The following PTCH1 variants were observed in gnomAD, a reference collection of about 807,000 sequenced individuals.
The protein encoded by PTCH1 is patched 1, also known as protein patched homolog 1.
Under a neutral mutation model 144.6 loss-of-function variants are expected in PTCH1, and 14 were observed. The observed-to-expected ratio is 0.10, with a 90% CI of 0.06 to 0.15. The LOEUF (loss-of-function observed/expected upper bound fraction) is 0.15, where lower values mean the gene tolerates loss of function less well. Among genes scored for constraint, PTCH1 ranks in the 10% least tolerant of loss-of-function variants. PTCH1 has a pLI of 1.00. For synonymous variants in PTCH1, 833 were observed against 793.6 expected (o/e 1.05, Z -0.83); for missense variants, 1,623 against 1,948.3 (o/e 0.83, Z 3.14).
chr9:95,462,993 T>TCCCCCCCCCCCCC (rs1366013570), intron 15 of PTCH1, among the ~76,000 whole-genome samples: 1 of 108,080 alleles, frequency 9.3e-6, no homozygotes, highest in Non-Finnish European at 2.0e-5. Flanking sequence ...GACACCCCCC[T>TCCCCCCCCCCCCC]CCCCCCACCC....
chr9:95,475,770 T>C (rs55900215), intron 12 of PTCH1, among the ~76,000 whole-genome samples: 2,051 of 152,164 alleles, frequency 0.013, 44 homozygotes, highest in African/African-American at 0.045. Context: ...ATAAAGGACA[T>C]GGCCACTCTA....
In PTCH1 at chr9:95,449,358, G is replaced by T. The variant is rs1373843995; in HGVS notation, c.3550-35C>A. 11 of 1,539,022 alleles carry T rather than the reference G, an allele frequency of 7.1e-6. No individual in the cohort carries two copies. The highest frequency in any genetic ancestry group is 9.6e-6 in the Non-Finnish European group (11 of 1,147,086). On this transcript the variant is annotated intron_variant, in intron 21 of 23. Coordinates refer to ENST00000331920, the MANE Select transcript of PTCH1 (RefSeq NM_000264.5). This position sits in a 1 kb window ranked among gnomAD's most constrained non-coding sequence, Gnocchi z 5.3. ...GGGATTCCATGTTAAAAGTGTTCTT[G>T]TCCATTTACCTGCTGGCCACACTCA...
intron 15 of PTCH1, among the ~76,000 whole-genome samples, chr9:95,463,393 G>C (rs1435920769): frequency 6.6e-6 from 1 of 152,098 alleles, no homozygotes; most frequent in Non-Finnish European, 1.5e-5. Context: ...GGAGACCACC[G>C]GGTGGGCCGT....
At chr9:95,487,762 T>C (rs902710232) in intron 2 of PTCH1, among the ~76,000 whole-genome samples, 1 of 152,232 alleles carries the variant, frequency 6.6e-6, no homozygotes, top group Non-Finnish European at 1.5e-5. Context: ...AACATCAGCA[T>C]GCACGTGGTT....
At chr9:95,472,325 C>CA (rs1173649073) in intron 12 of PTCH1, among the ~76,000 whole-genome samples, 1 of 152,074 alleles carries the variant, frequency 6.6e-6, no homozygotes, top group African/African-American at 2.4e-5. Context: ...TCAGATCAAA[C>CA]AAAGACTTGA....
At chr9:95,505,841 C>A (rs971107199) in intron 2 of PTCH1, among the ~76,000 whole-genome samples, 1 of 150,344 alleles carries the variant, frequency 6.7e-6, no homozygotes, top group African/African-American at 2.4e-5. Context: ...TGTCCAAAAA[C>A]AGGACCACAC....
At position 95,467,008 on chromosome 9, in the gene PTCH1, C is replaced by T. The variant is rs55876424; in HGVS notation, c.2560+108G>A. ...GCAACTCTTAAAAGTCCATGAAACA[C>T]GTCAGTGTTACATTCTAATCTAACG... On this transcript the variant is annotated intron_variant, in intron 15 of 23. Transcript: ENST00000331920. 9.3e-4 allele frequency: 1,136 copies of T among 1,227,324 alleles called. 5 individuals are homozygous for T. The African/African-American group carries it at 0.015, about 17-fold the overall frequency. The allele number at this position is 1,227,324 out of a possible 1,614,324, so 76.0% of individuals were successfully genotyped here.
chr9:95,494,480 C>T, intron 2 of PTCH1: 1 of 977,276 alleles, frequency 1.0e-6, no homozygotes, highest in Non-Finnish European at 1.2e-6. Context: ...TGCTGACTTC[C>T]TGCAGAGCAC....
intron 1 of PTCH1, 48 bp downstream of exon 1, chr9:95,508,111 AAG>A (rs755102710): frequency 1.9e-6 from 3 of 1,606,100 alleles, no homozygotes; most frequent in Non-Finnish European, 1.7e-6. Flanking sequence ...GGCGATCCCA[AAG>A]AGTTAGAGGA....
intron 2 of PTCH1, among the ~76,000 whole-genome samples, chr9:95,500,568 C>T (rs907589653): frequency 1.3e-5 from 2 of 152,152 alleles, no homozygotes; most frequent in African/African-American, 4.8e-5. Flanking sequence ...AGAAAAGAAA[C>T]CAGGTGCTCA....
intron 15 of PTCH1, among the ~76,000 whole-genome samples, chr9:95,464,657 A>T (rs1025422691): frequency 6.6e-6 from 1 of 152,168 alleles, no homozygotes; most frequent in Non-Finnish European, 1.5e-5. Flanking sequence ...GACATGTGGG[A>T]TAGTTTTGAA....
Position 95,467,239 on chromosome 9 carries a change from G to C in PTCH1, c.2437C>G (p.Pro813Ala), listed in dbSNP as rs45579032. 67 of 1,612,306 alleles carry C rather than the reference G, an allele frequency of 4.2e-5. No individual in the cohort carries two copies. Among genetic ancestry groups the C allele is most frequent in the Non-Finnish European group, 5.4e-5 (64 of 1,179,450 alleles). ...TCGTAAAGTAAGTGCTGGATATTCG[G>C]GTAGTCTGCTTTCTGGGTGACTATA... ...MYIVTQKADY[P>A]NIQHLLYDLH... The change falls in exon 15 of 24, where the codon CCG becomes GCG. Residue 813 changes from proline to alanine, a missense_variant. Pro to Ala is a conservative substitution (Grantham distance 27, BLOSUM62 -1). Transcript: ENST00000331920.
intron 2 of PTCH1, 116 bp from the exon 3 acceptor site, chr9:95,485,990 T>C: frequency 8.9e-7 from 1 of 1,125,634 alleles, no homozygotes; most frequent in Non-Finnish European, 1.3e-6. Flanking sequence ...GTCATGAGAC[T>C]GGCTGATGTG....
intron 2 of PTCH1, among the ~76,000 whole-genome samples, chr9:95,497,659 C>G (rs1169953502): frequency 3.3e-5 from 5 of 152,178 alleles, no homozygotes; most frequent in Non-Finnish European, 5.9e-5. Flanking sequence ...GTGACAAGAG[C>G]GCTCTTCCTG....
At chr9:95,480,284 T>G in intron 6 of PTCH1, 106 bp downstream of exon 6, 2 of 1,543,588 alleles carry the variant, frequency 1.3e-6, no homozygotes, top group Non-Finnish European at 1.8e-6. Context: ...AAGACGATCA[T>G]GGAGAATGAA....
chr9:95,494,294 C>A (rs1422798015), intron 2 of PTCH1: 1 of 985,438 alleles, frequency 1.0e-6, no homozygotes, highest in Admixed American at 6.1e-5. Context: ...TCAGGTCAGC[C>A]CGGCACTCTG....
chr9:95,496,510 T>G (rs972389592), intron 2 of PTCH1, among the ~76,000 whole-genome samples: 4 of 151,344 alleles, frequency 2.6e-5, no homozygotes, highest in African/African-American at 9.7e-5. Context: ...AGATTTCTTT[T>G]GGGAGCCATG....
intron 2 of PTCH1, among the ~76,000 whole-genome samples, chr9:95,505,646 G>A (rs1843520173): frequency 2.6e-5 from 4 of 152,044 alleles, no homozygotes; most frequent in Admixed American, 2.6e-4. Flanking sequence ...TTCTTTGCCT[G>A]CAAAATGCAG....
At chr9:95,516,765 G>A in exon 1 of PTCH1, 2 of 1,613,328 alleles carry the variant, frequency 1.2e-6, no homozygotes, top group South Asian at 2.2e-5. Context: ...GGAGGCTTTC[G>A]GCGGAGTGCA....
Sources: gnomAD v4.1 joint callset for allele counts (sites outside exome capture counted in the v4.1 genomes callset) on GRCh38, gnomAD v4.1.1 for gene constraint, Gnocchi (gnomAD v3.1) non-coding constraint, MANE v1.5 for transcripts, NCBI Gene and HGNC (gene_info 2026-07-23, HGNC 2026-07-21) for gene names.